The following WAPL variants were observed in gnomAD, a reference collection of about 807,000 sequenced individuals.
The protein encoded by WAPL is WAPL cohesin release factor.
In WAPL, 5 loss-of-function variants were observed where a neutral mutation model predicts 121.0. That is an observed-to-expected ratio of 0.04 (90% CI 0.02 to 0.09). WAPL has a LOEUF of 0.09. Ranked by LOEUF, WAPL falls within the 10% of genes least tolerant of loss-of-function variation. The pLI is 1.00. For synonymous variants in WAPL, 480 were observed against 481.5 expected (o/e 1.00, Z 0.04); for missense variants, 999 against 1,410.8 (o/e 0.71, Z 4.68).
At chr10:86,506,558 C>G (rs570942466) in intron 2 of WAPL, among the ~76,000 whole-genome samples, 1 of 152,126 alleles carries the variant, frequency 6.6e-6, no homozygotes, top group East Asian at 1.9e-4. Flanking sequence ...CAGGCCAAAG[C>G]AGGGGGATCA....
rs1849306906 is a variant in WAPL, at chr10:86,435,832, A to AT, written c.*1710dup. 6.6e-6 allele frequency: 1 copy of AT among 152,232 alleles called. No homozygotes were observed. The highest frequency in any genetic ancestry group is 2.4e-5 in the African/African-American group (1 of 41,448). The allele number at this position is 152,232 out of a possible 1,614,324, so 9.4% of individuals were successfully genotyped here. On this transcript the variant is annotated 3_prime_UTR_variant, in exon 19 of 19. Coordinates refer to ENST00000298767, the MANE Select transcript of WAPL (RefSeq NM_015045.5). ...AAATCTGTCCCTTTCCCTAAATCCA[A>AT]TGATTAATAAATATCAATGTATTTT...
chr10:86,465,176 T>C (rs1214711587), intron 9 of WAPL, among the ~76,000 whole-genome samples: 3 of 152,182 alleles, frequency 2.0e-5, no homozygotes. Flanking sequence ...CACTGGCTTT[T>C]GTTTTTTTGT....
At chr10:86,505,568 T>TTA (rs1842333793) in intron 2 of WAPL, among the ~76,000 whole-genome samples, 1 of 152,078 alleles carries the variant, frequency 6.6e-6, no homozygotes, top group African/African-American at 2.4e-5. Context: ...ATTACAGGCA[T>TTA]GAGCCACCGC....
chr10:86,493,548 G>A lies in WAPL; in HGVS notation c.1644+3653C>T, dbSNP rs142035299. Among the ~76,000 whole-genome samples the A allele has an allele frequency of 1.3e-3, 190 of 151,936 alleles. 1 individual carries two copies. The highest frequency in any genetic ancestry group is 4.1e-3 in the African/African-American group (168 of 41,336). ...TTTCATTTATTTATTTATTTATTAAGAGACAGGGTCTCACTCTGTTGTCCA... is the reference window on the plus strand; with the variant it reads ...TTTCATTTATTTATTTATTTATTAAAAGACAGGGTCTCACTCTGTTGTCCA... On this transcript the variant is annotated intron_variant, in intron 4 of 18. Transcript: ENST00000298767.
intron 2 of WAPL, among the ~76,000 whole-genome samples, chr10:86,502,389 T>C (rs1396893873): frequency 6.6e-6 from 1 of 152,208 alleles, no homozygotes; most frequent in African/African-American, 2.4e-5. Context: ...AAGTTGTCTA[T>C]TCAAAAGCCA....
intron 4 of WAPL, among the ~76,000 whole-genome samples, chr10:86,475,913 G>T (rs1389713953): frequency 1.3e-5 from 2 of 152,206 alleles, no homozygotes; most frequent in Admixed American, 1.3e-4. Context: ...AGGCACAGTG[G>T]CTCATGCCAG....
chr10:86,478,068 A>AC (rs1442278537), intron 4 of WAPL, among the ~76,000 whole-genome samples: 1 of 151,982 alleles, frequency 6.6e-6, no homozygotes, highest in African/African-American at 2.4e-5. Context: ...AAAAAAAAAA[A>AC]AAAGAAAGAA....
chr10:86,487,654 G>T (rs1245144311), intron 4 of WAPL, among the ~76,000 whole-genome samples: 1 of 152,150 alleles, frequency 6.6e-6, no homozygotes, highest in Non-Finnish European at 1.5e-5. Context: ...ACTTTAGGAG[G>T]CCGAGGCGGG....
chr10:86,494,498 T>C (rs1329484130), intron 4 of WAPL, among the ~76,000 whole-genome samples: 2 of 152,254 alleles, frequency 1.3e-5, no homozygotes, highest in East Asian at 1.9e-4. Flanking sequence ...TAAAAAAAAA[T>C]TGAACTTTTA....
chr10:86,493,337 T>C (rs1842086018), intron 4 of WAPL, among the ~76,000 whole-genome samples: 1 of 151,794 alleles, frequency 6.6e-6, no homozygotes, highest in African/African-American at 2.4e-5. Context: ...TTTAATAAAA[T>C]AAACTTTCAA....
Position 86,437,941 on chromosome 10 carries a change from A to G in WAPL, c.3486T>C (p.Phe1162=). Residue 1162 remains phenylalanine, a synonymous_variant, in exon 18 of 19, where the codon TTT becomes TTC. Transcript: ENST00000298767. ...FSIMTEMLKK[F]LSFMNLTCAV... ...TTACAGTGAGATTCATAAAACTCAAAAATTTTTTGAGCATCTCTGTCATTA... is the reference window on the plus strand; with the variant it reads ...TTACAGTGAGATTCATAAAACTCAAGAATTTTTTGAGCATCTCTGTCATTA... 1 of 1,613,656 alleles carries G rather than the reference A, an allele frequency of 6.2e-7. No individual in the cohort carries two copies. Among genetic ancestry groups the G allele is most frequent in the Non-Finnish European group, 8.5e-7 (1 of 1,179,714 alleles).
Position 86,472,273 on chromosome 10 carries a change from A to G in WAPL, c.1965T>C (p.Thr655=). The part of the protein sequence containing the change: ...VVEFGENQEF[T]DDIEYLLSGL... ...CACTTAACAAGTACTCAATGTCATC[A>G]GTGAACTCTTGATTTTCACCAAATT... The change falls in exon 7 of 19, where the codon ACT becomes ACC. Residue 655 remains threonine (T), a synonymous_variant. Coordinates refer to ENST00000298767, the MANE Select transcript of WAPL (RefSeq NM_015045.5). The surrounding 1 kb of genome is among the most constrained non-coding windows in gnomAD (Gnocchi z 4.2). The G allele has an allele frequency of 1.2e-6, 2 of 1,609,186 alleles. No homozygotes were observed. Among genetic ancestry groups the G allele is most frequent in the Non-Finnish European group, 1.7e-6 (2 of 1,179,008 alleles).
At chr10:86,450,340 A>G (rs1391605524) in intron 15 of WAPL, among the ~76,000 whole-genome samples, 1 of 152,110 alleles carries the variant, frequency 6.6e-6, no homozygotes, top group Non-Finnish European at 1.5e-5. Context: ...GGTGCAAGCA[A>G]TCCTCTCACT....
intron 2 of WAPL, among the ~76,000 whole-genome samples, chr10:86,503,757 A>C (rs1299905246): frequency 6.6e-6 from 1 of 152,090 alleles, no homozygotes; most frequent in African/African-American, 2.4e-5. Flanking sequence ...CATCTCAAAA[A>C]AAAAAAAGAA....
intron 4 of WAPL, among the ~76,000 whole-genome samples, chr10:86,494,396 G>T (rs1344024927): frequency 6.6e-6 from 1 of 152,162 alleles, no homozygotes; most frequent in African/African-American, 2.4e-5. Flanking sequence ...AAACTATGCT[G>T]ATTCAAACGT....
chr10:86,489,570 T>C (rs1254281945), intron 4 of WAPL, among the ~76,000 whole-genome samples: 1 of 152,192 alleles, frequency 6.6e-6, no homozygotes, highest in Non-Finnish European at 1.5e-5. Context: ...AAAGACATTT[T>C]GGGTTGTAAC....
chr10:86,485,363 G>A (rs568922204), intron 4 of WAPL, among the ~76,000 whole-genome samples: 3 of 151,812 alleles, frequency 2.0e-5, no homozygotes, highest in South Asian at 2.1e-4. Flanking sequence ...GTAAAACCCC[G>A]TCTCTACTAA....
At chr10:86,476,351 C>T (rs1227921946) in intron 4 of WAPL, among the ~76,000 whole-genome samples, 1 of 151,004 alleles carries the variant, frequency 6.6e-6, no homozygotes, top group Non-Finnish European at 1.5e-5. Context: ...GGCGACAGAG[C>T]GAGACTCTGT....
intron 9 of WAPL, among the ~76,000 whole-genome samples, chr10:86,463,967 G>T (rs368989382): frequency 1.3e-4 from 20 of 152,280 alleles, no homozygotes; most frequent in African/African-American, 3.8e-4. Flanking sequence ...TTCTAGGTCT[G>T]TGTAAGTACA....
Sources: allele counts gnomAD v4.1 joint callset (sites outside exome capture counted in the v4.1 genomes callset), GRCh38; gene constraint gnomAD v4.1.1; non-coding constraint Gnocchi (gnomAD v3.1); transcripts MANE v1.5; gene names NCBI Gene and HGNC (gene_info 2026-07-23, HGNC 2026-07-21).